Variants in TOX2 observed in about 807,000 individuals in gnomAD.
TOX2 encodes TOX high mobility group box family member 2.
In TOX2, 15 loss-of-function variants were observed where a neutral mutation model predicts 47.4. The observed-to-expected ratio is 0.32, with a 90% CI of 0.21 to 0.49. The LOEUF (loss-of-function observed/expected upper bound fraction) is 0.49. TOX2 is among the 20% of genes least tolerant of loss of function. The pLI is 0.99. For synonymous variants in TOX2, 290 were observed against 296.6 expected (o/e 0.98, Z 0.23); for missense variants, 622 against 673.1 (o/e 0.92, Z 0.84).
intron 1 of TOX2, among the ~76,000 whole-genome samples, chr20:43,946,511 A>G (rs555683751): frequency 1.3e-3 from 193 of 152,312 alleles, no homozygotes; most frequent in African/African-American, 4.4e-3. Flanking sequence ...CGTCACCAGG[A>G]ATACCCGAGC....
At chr20:43,990,763 C>T (rs937093822) in intron 2 of TOX2, among the ~76,000 whole-genome samples, 2 of 152,166 alleles carry the variant, frequency 1.3e-5, no homozygotes, top group African/African-American at 4.8e-5. Context: ...GACTTCACTG[C>T]TCAGCCTGGT....
intron 1 of TOX2, among the ~76,000 whole-genome samples, chr20:43,931,705 G>A (rs1206445878): frequency 6.6e-6 from 1 of 152,186 alleles, no homozygotes; most frequent in Non-Finnish European, 1.5e-5. Context: ...AATACTGGAC[G>A]GGGCAAGAGT....
intron 3 of TOX2, among the ~76,000 whole-genome samples, chr20:44,040,565 T>C (rs2071315361): frequency 6.6e-6 from 1 of 152,212 alleles, no homozygotes; most frequent in Admixed American, 6.5e-5. Context: ...GCCTGAGACT[T>C]GGCTTTTTCT....
chr20:44,063,383 T>G (rs1489966664), intron 5 of TOX2, among the ~76,000 whole-genome samples: 1 of 152,214 alleles, frequency 6.6e-6, no homozygotes, highest in East Asian at 1.9e-4. Flanking sequence ...AAAAAATACT[T>G]AACATCATTA....
At chr20:44,015,249 A>G (rs1043155370) in intron 3 of TOX2, among the ~76,000 whole-genome samples, 3 of 152,232 alleles carry the variant, frequency 2.0e-5, no homozygotes, top group African/African-American at 7.2e-5. Flanking sequence ...AGAGGCATTA[A>G]GCAAAAGAAA....
chr20:43,926,128 C>T (rs1228788437), intron 1 of TOX2, among the ~76,000 whole-genome samples: 1 of 152,158 alleles, frequency 6.6e-6, no homozygotes, highest in African/African-American at 2.4e-5. Context: ...GGGTCAATGC[C>T]ACGCATATAT....
At chr20:44,043,980 A>G (rs1177449861) in intron 3 of TOX2, among the ~76,000 whole-genome samples, 2 of 152,266 alleles carry the variant, frequency 1.3e-5, no homozygotes, top group Admixed American at 6.5e-5. Flanking sequence ...ATGCACATGT[A>G]TGTTTACTGC....
At chr20:43,928,677 T>G (rs538014436) in intron 1 of TOX2, among the ~76,000 whole-genome samples, 8 of 152,334 alleles carry the variant, frequency 5.3e-5, no homozygotes, top group African/African-American at 1.9e-4. Flanking sequence ...CTTCTTTGTC[T>G]TGCTTTGCCT....
intron 3 of TOX2, among the ~76,000 whole-genome samples, chr20:44,011,317 C>G (rs1415967133): frequency 6.6e-6 from 1 of 152,166 alleles, no homozygotes; most frequent in African/African-American, 2.4e-5. Flanking sequence ...AGGTACCAGG[C>G]ATTGTTCTAG....
intron 3 of TOX2, among the ~76,000 whole-genome samples, chr20:44,011,989 T>TGAATAAATAATAA (rs2070783995): frequency 6.6e-6 from 1 of 152,268 alleles, no homozygotes; most frequent in Non-Finnish European, 1.5e-5. Context: ...CTTCAGCGTC[T>TGAATAAATAATAA]TAACTGATTA....
At chr20:44,026,201 C>T (rs1168939550) in intron 3 of TOX2, among the ~76,000 whole-genome samples, 1 of 118,144 alleles carries the variant, frequency 8.5e-6, no homozygotes, top group Non-Finnish European at 1.7e-5. Context: ...CCCAAATGCC[C>T]ATCGATCGAG....
chr20:44,039,277 G>A, intron 3 of TOX2: 1 of 1,289,474 alleles, frequency 7.8e-7, no homozygotes, highest in African/African-American at 1.5e-5. Context: ...CCAGTCTAGA[G>A]AGAAGCCCAC....
chr20:44,056,074 TG>T (rs988883821), intron 5 of TOX2, among the ~76,000 whole-genome samples: 17 of 152,142 alleles, frequency 1.1e-4, no homozygotes, highest in African/African-American at 3.9e-4. Flanking sequence ...ACAATCCCGC[TG>T]GGAACTCAGG....
At chr20:44,026,246 T>TATATATATATATATATATAA (rs1569109167) in intron 3 of TOX2, among the ~76,000 whole-genome samples, 3 of 102,936 alleles carry the variant, frequency 2.9e-5, no homozygotes, top group Admixed American at 8.5e-5. Flanking sequence ...TATATATATA[T>TATATATATATATATATATAA]ATAGACACAC....
At chr20:44,010,351 T>C (rs57522997) in intron 3 of TOX2, among the ~76,000 whole-genome samples, 1,789 of 152,332 alleles carry the variant, frequency 0.012, 35 homozygotes, top group African/African-American at 0.041. Context: ...TCTTTAAAAG[T>C]AGCTCATGTT....
chr20:44,057,924 A>G (rs142524619), intron 5 of TOX2, among the ~76,000 whole-genome samples: 1 of 146,474 alleles, frequency 6.8e-6, no homozygotes, highest in East Asian at 1.9e-4. Context: ...TTCATCATCC[A>G]GCAGACTAGC....
chr20:44,014,830 G>A (rs972374440), intron 3 of TOX2, among the ~76,000 whole-genome samples: 9 of 152,128 alleles, frequency 5.9e-5, no homozygotes, highest in Non-Finnish European at 2.9e-5. Flanking sequence ...CAACTTTGTC[G>A]GGGGCTGAGG....
intron 5 of TOX2, among the ~76,000 whole-genome samples, chr20:44,061,992 A>C (rs2145788527): frequency 6.9e-6 from 1 of 144,012 alleles, no homozygotes; most frequent in South Asian, 2.1e-4. Flanking sequence ...AATAAAAGCC[A>C]TCTATGATAA....
chr20:44,055,605 G>C (rs2071602981), intron 5 of TOX2, among the ~76,000 whole-genome samples: 1 of 152,196 alleles, frequency 6.6e-6, no homozygotes, highest in South Asian at 2.1e-4. Flanking sequence ...GTTCTAAGAG[G>C]AGAGAAAACC....
Sources: gnomAD v4.1 joint callset for allele counts (sites outside exome capture counted in the v4.1 genomes callset) on GRCh38, gnomAD v4.1.1 for gene constraint, MANE v1.5 for transcripts, NCBI Gene and HGNC (gene_info 2026-07-23, HGNC 2026-07-21) for gene names.